The following CLCN3 variants were observed in gnomAD, a reference collection of about 807,000 sequenced individuals.
CLCN3 encodes the protein H(+)/Cl(-) exchange transporter 3.
In CLCN3, 16 loss-of-function variants were observed where a neutral mutation model predicts 83.4. That is an observed-to-expected ratio of 0.19 (90% CI 0.13 to 0.29). The LOEUF (loss-of-function observed/expected upper bound fraction) is 0.29, where lower values mean the gene tolerates loss of function less well. Among genes scored for constraint, CLCN3 ranks in the 10% least tolerant of loss-of-function variants. CLCN3 has a pLI of 1.00. For missense variants in CLCN3, 544 were observed against 1,006.0 expected, an observed-to-expected ratio of 0.54 and a Z score of 6.21; for synonymous variants, 322 against 346.2, an observed-to-expected ratio of 0.93 and a Z score of 0.78.
intron 2 of CLCN3, among the ~76,000 whole-genome samples, chr4:169,655,487 G>A (rs1234032299): frequency 2.0e-5 from 3 of 152,086 alleles, no homozygotes; most frequent in Admixed American, 6.6e-5. Context: ...ATTGATCATC[G>A]TGTGATGTTT....
At chr4:169,625,414 A>G (rs890914078) in intron 1 of CLCN3, among the ~76,000 whole-genome samples, 8 of 152,184 alleles carry the variant, frequency 5.3e-5, no homozygotes, top group African/African-American at 1.9e-4. Flanking sequence ...ATTAGTGTGC[A>G]TATCTCAGGC....
chr4:169,636,485 C>T (rs1324170044), intron 2 of CLCN3, among the ~76,000 whole-genome samples: 2 of 152,106 alleles, frequency 1.3e-5, no homozygotes, highest in Admixed American at 6.5e-5. Context: ...CAGAATCCTT[C>T]CTTGTTCCAC....
chr4:169,644,650 T>C (rs561289358), intron 2 of CLCN3, among the ~76,000 whole-genome samples: 1 of 152,324 alleles, frequency 6.6e-6, no homozygotes, highest in Non-Finnish European at 1.5e-5. Flanking sequence ...GCCAATACAA[T>C]GAACAAGACA....
chr4:169,699,885 AAATAAT>A (rs1396094377), intron 9 of CLCN3, among the ~76,000 whole-genome samples: 1 of 152,118 alleles, frequency 6.6e-6, no homozygotes, highest in Admixed American at 6.6e-5. Context: ...CTGTCTCAAA[AAATAAT>A]AATAAGAAGA....
chr4:169,659,856 C>T (rs1214855411), intron 2 of CLCN3, among the ~76,000 whole-genome samples: 2 of 152,086 alleles, frequency 1.3e-5, no homozygotes, highest in Non-Finnish European at 2.9e-5. Flanking sequence ...ACCACACAAA[C>T]TTACTAGAGT....
intron 12 of CLCN3, chr4:169,717,683 C>G (rs1004979722): frequency 8.0e-6 from 5 of 628,102 alleles, no homozygotes; most frequent in Non-Finnish European, 1.4e-5. Flanking sequence ...TCATGAGACT[C>G]ATTCTTATGG....
chr4:169,637,261 G>T (rs532682639), intron 2 of CLCN3, among the ~76,000 whole-genome samples: 2 of 150,612 alleles, frequency 1.3e-5, no homozygotes, highest in African/African-American at 2.4e-5. Context: ...GTACGGTATT[G>T]CAGTTATCTT....
intron 2 of CLCN3, chr4:169,643,098 T>C (rs1287192064): frequency 6.6e-6 from 1 of 152,200 alleles, no homozygotes. Flanking sequence ...TTATTTACAT[T>C]TAGCTAGTTT....
chr4:169,700,430 G>C (rs900955096), intron 9 of CLCN3, among the ~76,000 whole-genome samples: 5 of 151,964 alleles, frequency 3.3e-5, no homozygotes, highest in African/African-American at 9.7e-5. Context: ...GCTAATTTTT[G>C]TGTTTTTAGT....
At chr4:169,626,383 C>T (rs908186292) in intron 1 of CLCN3, among the ~76,000 whole-genome samples, 1 of 152,220 alleles carries the variant, frequency 6.6e-6, no homozygotes, top group Non-Finnish European at 1.5e-5. Flanking sequence ...TACATAGGCA[C>T]AGTCAACAAC....
Position 169,713,133 on chromosome 4 carries a change from C to T in CLCN3, c.2204C>T (p.Ala735Val), listed in dbSNP as rs927567749. 2.5e-6 allele frequency: 4 copies of T among 1,614,036 alleles called. No homozygotes were observed. In the African/African-American group the frequency reaches 5.3e-5, roughly 22 times the overall value. The stretch of plus-strand genomic sequence containing the variant: ...GTTGGCAGTTCTCGGGTGTGTTTTG[C>T]ACAGCACACCCCATCTCTTCCAGCA... ...GIVGSSRVCF[A>V]QHTPSLPAES... Residue 735 changes from alanine to valine, a missense_variant, in exon 12 of 13, where the codon GCA (alanine) becomes GTA (valine). Physicochemically the swap from Ala to Val is moderately conservative, Grantham distance 64 (BLOSUM62 0). Around this residue, in one of 6 missense-constraint regions of CLCN3, gnomAD observed 142 missense variants for 225.0 expected, o/e 0.63. Transcript: ENST00000513761.
At chr4:169,621,181 A>G (rs1321451715) in intron 1 of CLCN3, 118 bp downstream of exon 1, 1 of 339,580 alleles carries the variant, frequency 2.9e-6, no homozygotes, top group East Asian at 4.5e-5. Context: ...ATAATGTTGA[A>G]AGGTACATCG....
intron 10 of CLCN3, among the ~76,000 whole-genome samples, chr4:169,705,074 C>G (rs988503577): frequency 6.6e-6 from 1 of 152,036 alleles, no homozygotes; most frequent in African/African-American, 2.4e-5. Flanking sequence ...GTGAGGAATA[C>G]TAACAAATAT....
At chr4:169,640,902 C>T (rs955592412) in intron 2 of CLCN3, among the ~76,000 whole-genome samples, 2 of 152,100 alleles carry the variant, frequency 1.3e-5, no homozygotes, top group Non-Finnish European at 1.5e-5. Flanking sequence ...ATGTTGATAA[C>T]GTGATTATGC....
chr4:169,694,249 T>A (rs1204903873), intron 7 of CLCN3, among the ~76,000 whole-genome samples: 1 of 152,214 alleles, frequency 6.6e-6, no homozygotes, highest in Admixed American at 6.5e-5. Context: ...GGCACTGTTC[T>A]AAAGCACTCT....
intron 2 of CLCN3, among the ~76,000 whole-genome samples, chr4:169,675,131 C>T (rs550490838): frequency 2.0e-4 from 31 of 152,314 alleles, no homozygotes; most frequent in African/African-American, 7.5e-4. Context: ...AGTACTATTA[C>T]GTTGTTTAAA....
chr4:169,681,421 T>C (rs2150240365), intron 3 of CLCN3, among the ~76,000 whole-genome samples: 1 of 152,354 alleles, frequency 6.6e-6, no homozygotes, highest in South Asian at 2.1e-4. Flanking sequence ...AATTATAAGC[T>C]TCCATATTAA....
At position 169,698,734 on chromosome 4, in the gene CLCN3, T is replaced by C. The variant is rs77661390; in HGVS notation, c.1563+1000T>C. On this transcript the variant is annotated intron_variant, in intron 9 of 12. Coordinates refer to ENST00000513761, the MANE Select transcript of CLCN3 (RefSeq NM_001829.4). ...GCTTAAAAGCCACACAAATTTAATA[T>C]CTTACAGTTCTGCAAATCAAAAGTC... Among the ~76,000 whole-genome samples, 902 of 152,326 alleles carry C rather than the reference T, an allele frequency of 5.9e-3. 48 individuals carry two copies. The East Asian group carries it at 0.14, about 23-fold the overall frequency.
chr4:169,631,811 A>T (rs111419606), intron 1 of CLCN3, among the ~76,000 whole-genome samples: 29 of 152,312 alleles, frequency 1.9e-4, no homozygotes, highest in African/African-American at 5.1e-4. Flanking sequence ...GTAAACACGA[A>T]CTAGAAAATC....
Sources: allele counts gnomAD v4.1 joint callset (sites outside exome capture counted in the v4.1 genomes callset), GRCh38; gene constraint gnomAD v4.1.1; regional missense constraint gnomAD v4.1.1; transcripts MANE v1.5; gene names NCBI Gene and HGNC (gene_info 2026-07-23, HGNC 2026-07-21).